The following SULT2B1 variants were observed in gnomAD, a reference collection of about 807,000 sequenced individuals.
SULT2B1 encodes sulfotransferase family 2B member 1.
Under a neutral mutation model 33.2 loss-of-function variants are expected in SULT2B1, and 16 were observed. The observed-to-expected ratio is 0.48, with a 90% CI of 0.33 to 0.73. SULT2B1 has a LOEUF of 0.73. SULT2B1 is among the 30% of genes least tolerant of loss of function. SULT2B1 has a pLI of 0.02. For missense variants in SULT2B1, 500 were observed against 506.0 expected (o/e 0.99, Z 0.11); for synonymous variants, 186 against 200.5 (o/e 0.93, Z 0.61).
intron 3 of SULT2B1, among the ~76,000 whole-genome samples, chr19:48,590,617 A>C (rs750216118): frequency 9.9e-5 from 15 of 152,044 alleles, no homozygotes; most frequent in Admixed American, 5.9e-4. Context: ...AAACAAAACA[A>C]AACAAAAAAA....
chr19:48,587,829 G>GCTGCA (rs947739380), intron 3 of SULT2B1, among the ~76,000 whole-genome samples: 2 of 143,896 alleles, frequency 1.4e-5, no homozygotes, highest in Non-Finnish European at 3.0e-5. Context: ...GCAGGTCAAG[G>GCTGCA]CTGCACTGAG....
chr19:48,597,654 C>CTTTTCTTTTT (rs1555735825), intron 6 of SULT2B1, among the ~76,000 whole-genome samples: 30 of 124,220 alleles, frequency 2.4e-4, no homozygotes, highest in Non-Finnish European at 4.2e-4. Context: ...TTTCTTTTTT[C>CTTTTCTTTTT]TTTTTTGAGA....
Position 48,554,654 on chromosome 19 carries a change from C to CT in SULT2B1, c.71+2358dup, listed in dbSNP as rs3859436. ...CACCTGCATTCCAGCTACTCTACTG[C>CT]TTTTTTTTTTTTTTTTTTTTTTTTT... On this transcript the variant is annotated intron_variant, in intron 1 of 6. Transcript: ENST00000201586. 3.5e-3 allele frequency among the ~76,000 whole-genome samples: 48 copies of CT among 13,598 alleles called. 7 individuals carry two copies. The highest frequency in any genetic ancestry group is 5.0e-3 in the Non-Finnish European group (44 of 8,774). The allele number at this position is 13,598 out of a possible 152,430, so 8.9% of individuals were successfully genotyped here. A position where few individuals can be genotyped will look rare whatever the true frequency, so the allele number is the denominator to read the frequency against.
rs1973577056 is a variant in SULT2B1, at chr19:48,587,334, T to C, written c.320T>C (p.Ile107Thr). 2 of 1,613,836 alleles carry C rather than the reference T, an allele frequency of 1.2e-6. No homozygotes were observed. The highest frequency in any genetic ancestry group is 1.3e-5 in the African/African-American group (1 of 74,958). The change falls in exon 3 of 7, where the codon ATT becomes ACT. Residue 107 changes from isoleucine (I) to threonine (T), a missense_variant. Physicochemically the swap from Ile to Thr is moderately conservative, Grantham distance 89. Coordinates refer to ENST00000201586, the MANE Select transcript of SULT2B1 (RefSeq NM_177973.2). ...IWERAPWCET[I>T]VGAFSLPDQY... ...GAGCGGGCACCCTGGTGTGAGACCA[T>C]TGTGGGTGCCTTCAGCCTCCCGGAC... is the stretch of plus-strand genomic sequence containing the variant.
chr19:48,564,369 C>T (rs537501086), intron 1 of SULT2B1, among the ~76,000 whole-genome samples: 6 of 150,586 alleles, frequency 4.0e-5, no homozygotes, highest in Non-Finnish European at 1.5e-5. Flanking sequence ...CTGGCTAACA[C>T]GGTGAAACCC....
chr19:48,555,328 G>T (rs1973083857), intron 1 of SULT2B1, among the ~76,000 whole-genome samples: 1 of 152,126 alleles, frequency 6.6e-6, no homozygotes, highest in South Asian at 2.1e-4. Flanking sequence ...CTGACCTCAG[G>T]TGATCCACCC....
chr19:48,597,338 T>A (rs1248622752), intron 6 of SULT2B1, among the ~76,000 whole-genome samples: 1 of 2,340 alleles, frequency 4.3e-4, no homozygotes, highest in Non-Finnish European at 7.6e-4. Context: ...ACGTTTACTC[T>A]TTTTTTTTTT....
At chr19:48,567,364 C>A (rs1207823114) in intron 1 of SULT2B1, among the ~76,000 whole-genome samples, 1 of 151,360 alleles carries the variant, frequency 6.6e-6, no homozygotes, top group Non-Finnish European at 1.5e-5. Flanking sequence ...GAGTTTGAGA[C>A]CAGCCTGACC....
At chr19:48,571,295 C>G (rs1973324185) in intron 1 of SULT2B1, among the ~76,000 whole-genome samples, 1 of 151,792 alleles carries the variant, frequency 6.6e-6, no homozygotes, top group Admixed American at 6.6e-5. Flanking sequence ...CTCCCGGGTT[C>G]AAGCGATTCT....
At chr19:48,583,691 G>A (rs956478166) in intron 2 of SULT2B1, among the ~76,000 whole-genome samples, 2 of 152,166 alleles carry the variant, frequency 1.3e-5, no homozygotes, top group Admixed American at 1.3e-4. Flanking sequence ...GGTGGTGCGC[G>A]CCTGTAGTCC....
intron 6 of SULT2B1, among the ~76,000 whole-genome samples, chr19:48,597,800 C>G (rs569047910): frequency 6.6e-6 from 1 of 151,562 alleles, no homozygotes; most frequent in Admixed American, 6.6e-5. Context: ...CCCACCACCA[C>G]GCCTGGCTAA....
chr19:48,552,414 G>A lies in SULT2B1; in HGVS notation c.71+91G>A. 1.5e-6 allele frequency: 2 copies of A among 1,346,886 alleles called. No individual in the cohort carries two copies. Among genetic ancestry groups the A allele is most frequent in the South Asian group, 1.3e-5 (1 of 75,852 alleles). The allele number at this position is 1,346,886 out of a possible 1,614,324, so 83.4% of individuals were successfully genotyped here. ...GGGACTGTGGCAAGGGTGGCCTCCA[G>A]CCACCCGCAGCCGCAGGCCTGGCCC... is the stretch of plus-strand genomic sequence containing the variant. On this transcript the variant is annotated intron_variant, in intron 1 of 6. Transcript: ENST00000201586. This position sits in a 1 kb window ranked among gnomAD's most constrained non-coding sequence, Gnocchi z 4.8.
chr19:48,575,637 C>T (rs538009896), intron 1 of SULT2B1: 45 of 229,400 alleles, frequency 2.0e-4, no homozygotes, highest in Non-Finnish European at 1.6e-4. Flanking sequence ...TGCGCCACCA[C>T]GCCTGGCTGA....
chr19:48,573,903 C>A (rs896446790), intron 1 of SULT2B1, among the ~76,000 whole-genome samples: 6 of 152,076 alleles, frequency 3.9e-5, no homozygotes, highest in Admixed American at 6.6e-5. Flanking sequence ...ACTCTGTCAC[C>A]CAGGCTGGAG....
intron 2 of SULT2B1, among the ~76,000 whole-genome samples, chr19:48,577,003 T>C (rs1973421345): frequency 6.7e-6 from 1 of 149,128 alleles, no homozygotes; most frequent in Admixed American, 6.8e-5. Context: ...GAGACCAACC[T>C]GGGCAAAATG....
intron 3 of SULT2B1, among the ~76,000 whole-genome samples, chr19:48,588,269 T>C (rs1227970684): frequency 3.3e-5 from 5 of 151,546 alleles, no homozygotes; most frequent in Admixed American, 1.3e-4. Context: ...TCCCAGCACT[T>C]TGGGAAGCCA....
intron 2 of SULT2B1, among the ~76,000 whole-genome samples, chr19:48,581,892 A>T (rs944780998): frequency 1.2e-3 from 57 of 48,808 alleles, no homozygotes; most frequent in South Asian, 8.9e-3. Context: ...TTATTATTAT[A>T]TTATTATTAT....
intron 3 of SULT2B1, 22 bp from the exon 4 acceptor site, chr19:48,591,587 T>C (rs1273674120): frequency 1.2e-6 from 2 of 1,602,560 alleles, no homozygotes; most frequent in Non-Finnish European, 1.7e-6. Flanking sequence ...CCTTCTCCCC[T>C]CTCCTCACCA....
intron 6 of SULT2B1, 90 bp downstream of exon 6, chr19:48,597,009 C>G: frequency 7.5e-7 from 1 of 1,342,020 alleles, no homozygotes; most frequent in Non-Finnish European, 1.0e-6. Context: ...GCCTCAGTTT[C>G]TCACCCAGCT....
Sources: allele counts gnomAD v4.1 joint callset (sites outside exome capture counted in the v4.1 genomes callset), GRCh38; gene constraint gnomAD v4.1.1; non-coding constraint Gnocchi (gnomAD v3.1); transcripts MANE v1.5; gene names NCBI Gene and HGNC (gene_info 2026-07-23, HGNC 2026-07-21).